Variants in SNURF observed in about 807,000 individuals in gnomAD.
SNURF encodes SNRPN upstream open reading frame.
Under a neutral mutation model 11.6 loss-of-function variants are expected in SNURF, and 6 were observed. That is an observed-to-expected ratio of 0.52 (90% confidence interval 0.28 to 1.02). SNURF has a LOEUF of 1.02. SNURF is among the 50% of genes least tolerant of loss of function. SNURF has a pLI of 0.09. For missense variants in SNURF, 84 were observed against 88.4 expected (o/e 0.95, Z 0.20); for synonymous variants, 29 against 31.6 (o/e 0.92, Z 0.27).
chr15:24,976,203 T>A (rs2077042875), intron 4 of SNURF: 2 of 878,362 alleles, frequency 2.3e-6, no homozygotes, highest in Non-Finnish European at 3.7e-6. Flanking sequence ...CAGTAAATGT[T>A]TAGCATCAGT....
chr15:24,974,433 G>A, intron 3 of SNURF: 1 of 1,613,154 alleles, frequency 6.2e-7, no homozygotes, highest in Non-Finnish European at 8.5e-7. Flanking sequence ...TGTGGACATT[G>A]GATTTGGTGG....
At chr15:24,963,618 A>G (rs956852620) in intron 2 of SNURF, among the ~76,000 whole-genome samples, 4 of 125,034 alleles carry the variant, frequency 3.2e-5, no homozygotes, top group African/African-American at 4.0e-5. Flanking sequence ...CCATCTCAGG[A>G]AAAAAAAAAA....
chr15:24,977,079 C>T (rs770650866), intron 6 of SNURF: 19 of 1,451,906 alleles, frequency 1.3e-5, no homozygotes, highest in East Asian at 4.8e-5. Flanking sequence ...ATGACTAAGC[C>T]GGAGGCCGAG....
At chr15:24,961,873 A>G (rs1430229386) in intron 1 of SNURF, among the ~76,000 whole-genome samples, 2 of 151,790 alleles carry the variant, frequency 1.3e-5, no homozygotes, top group Admixed American at 6.6e-5. Flanking sequence ...TTTTAATTTC[A>G]TTTTCTGATT....
At chr15:24,973,694 C>T (rs992105442), downstream of SNURF, among the ~76,000 whole-genome samples, 2 of 152,182 alleles carry the variant, frequency 1.3e-5, no homozygotes, top group African/African-American at 4.8e-5. Context: ...GCCACCTCAC[C>T]CGGCCGTTAA....
intron 2 of SNURF, among the ~76,000 whole-genome samples, chr15:24,963,944 G>T (rs934307478): frequency 7.9e-5 from 12 of 151,940 alleles, no homozygotes; most frequent in Non-Finnish European, 1.5e-4. Flanking sequence ...AAGTGGAAGG[G>T]TCACTTGATC....
At chr15:24,973,488 C>G (rs2076696958), downstream of SNURF, among the ~76,000 whole-genome samples, 1 of 152,138 alleles carries the variant, frequency 6.6e-6, no homozygotes, top group Admixed American at 6.5e-5. Flanking sequence ...ACCTCTGCCT[C>G]CCAGGTTCAA....
intron 2 of SNURF, among the ~76,000 whole-genome samples, chr15:24,963,838 C>A (rs564615282): frequency 6.6e-6 from 1 of 151,922 alleles, no homozygotes; most frequent in Non-Finnish European, 1.5e-5. Context: ...AGGTGGAGAC[C>A]AGCCTGGGCA....
At chr15:24,974,210 G>A in intron 3 of SNURF, 1 of 536,330 alleles carries the variant, frequency 1.9e-6, no homozygotes. Context: ...GAGGAAGGAT[G>A]TTTTTGAACG....
intron 2 of SNURF, among the ~76,000 whole-genome samples, chr15:24,967,565 C>T (rs1566965729): frequency 6.6e-6 from 1 of 151,800 alleles, no homozygotes; most frequent in South Asian, 2.1e-4. Context: ...TGGCGTGAAC[C>T]CAGGAGGCGG....
intron 3 of SNURF, chr15:24,974,461 G>A (rs746504587): frequency 6.2e-7 from 1 of 1,613,858 alleles, no homozygotes; most frequent in Non-Finnish European, 8.5e-7. Context: ...ATCATGGTAA[G>A]CTGTATGATA....
chr15:24,962,358 T>C (rs1022219855), intron 2 of SNURF, 149 bp downstream of exon 2: 37 of 726,374 alleles, frequency 5.1e-5, no homozygotes, highest in Non-Finnish European at 7.4e-5. Context: ...GCAATGAAAT[T>C]CTTAACCATA....
downstream of SNURF, chr15:24,978,448 A>G (rs2153723371): frequency 6.2e-7 from 1 of 1,613,200 alleles, no homozygotes; most frequent in Non-Finnish European, 8.5e-7. Context: ...ACCTTAGCAT[A>G]CTGTTGATCC....
intron 1 of SNURF, among the ~76,000 whole-genome samples, chr15:24,957,593 T>C (rs1425021043): frequency 6.6e-6 from 1 of 152,218 alleles, no homozygotes; most frequent in Non-Finnish European, 1.5e-5. Context: ...CTATCATAAC[T>C]GGTATGTCTG....
rs762005922 is a variant in SNURF at position 24,974,500 on chromosome 15, G to A, written c.*46-858G>A. 7 of 1,601,220 alleles carry A rather than the reference G, an allele frequency of 4.4e-6. No homozygotes were observed. In the South Asian group the frequency reaches 5.5e-5, roughly 13 times the overall value. On this transcript the variant is annotated intron_variant and NMD_transcript_variant, in intron 3 of 6. Coordinates refer to the SNURF transcript ENST00000580062. The stretch of plus-strand genomic sequence containing the variant: ...CTGAGGGTTGAAATGTGCTGTAAGG[G>A]CCGAAAGAAATAGTTTGCCAGCATG...
At chr15:24,957,310 C>G (rs537633707) in intron 1 of SNURF, among the ~76,000 whole-genome samples, 1 of 152,252 alleles carries the variant, frequency 6.6e-6, no homozygotes, top group East Asian at 1.9e-4. Flanking sequence ...TTGAAAGCTG[C>G]AAGTTTTGTG....
chr15:24,975,339 C>T (rs374400749), intron 3 of SNURF: 1 of 1,607,976 alleles, frequency 6.2e-7, no homozygotes, highest in East Asian at 2.2e-5. Context: ...GAACATGACT[C>T]TTGTCTTACT....
At chr15:24,962,713 C>T (rs1335245883) in intron 2 of SNURF, among the ~76,000 whole-genome samples, 6 of 152,088 alleles carry the variant, frequency 3.9e-5, no homozygotes, top group Admixed American at 1.3e-4. Context: ...CACTCAGACA[C>T]ATATTTTAAT....
downstream of SNURF, chr15:24,978,257 T>C (rs200487846): frequency 2.5e-5 from 40 of 1,613,990 alleles, no homozygotes; most frequent in African/African-American, 4.8e-4. Flanking sequence ...TTCCCCCTGC[T>C]CGAGGGACGC....
Sources: gnomAD v4.1 joint callset for allele counts (sites outside exome capture counted in the v4.1 genomes callset) on GRCh38, gnomAD v4.1.1 for gene constraint, MANE v1.5 for transcripts, NCBI Gene and HGNC (gene_info 2026-07-23, HGNC 2026-07-21) for gene names.